The following CALN1 variants were observed in gnomAD, a reference collection of about 807,000 sequenced individuals.
CALN1 encodes the protein calneuron 1.
In CALN1, 17 loss-of-function variants were observed where a neutral mutation model predicts 30.6. The observed-to-expected ratio is 0.56, with a 90% CI of 0.38 to 0.83. The LOEUF is 0.83. Ranked by LOEUF, CALN1 falls within the 40% of genes least tolerant of loss-of-function variation. CALN1 has a pLI of 0.00. For missense variants in CALN1, 291 were observed against 354.9 expected, an observed-to-expected ratio of 0.82 and a Z score of 1.45; for synonymous variants, 156 against 131.4, an observed-to-expected ratio of 1.19 and a Z score of -1.28.
At chr7:72,257,520 T>C (rs1016156695) in intron 3 of CALN1, among the ~76,000 whole-genome samples, 1 of 152,316 alleles carries the variant, frequency 6.6e-6, no homozygotes, top group East Asian at 1.9e-4. Context: ...GGTGAGAATG[T>C]AAACTAGTAC....
chr7:72,069,707 CAAATAAGGT>C (rs1804260718), intron 4 of CALN1, among the ~76,000 whole-genome samples: 1 of 152,100 alleles, frequency 6.6e-6, no homozygotes, highest in Admixed American at 6.6e-5. Context: ...ACCTCTTTTC[CAAATAAGGT>C]AACATTTACA....
At chr7:72,185,021 T>A (rs1562704746) in intron 3 of CALN1, among the ~76,000 whole-genome samples, 1 of 152,196 alleles carries the variant, frequency 6.6e-6, no homozygotes, top group East Asian at 1.9e-4. Context: ...TCCAGGCTGG[T>A]CTCAAATTCC....
At chr7:72,126,523 AGTG>A (rs1808776258) in intron 3 of CALN1, among the ~76,000 whole-genome samples, 2 of 152,134 alleles carry the variant, frequency 1.3e-5, no homozygotes, top group South Asian at 2.1e-4. Context: ...CCAAAAGAAA[AGTG>A]GTGATTTCTG....
At chr7:72,299,451 A>C (rs1407878861) in intron 2 of CALN1, among the ~76,000 whole-genome samples, 1 of 28,116 alleles carries the variant, frequency 3.6e-5, no homozygotes, top group African/African-American at 1.1e-4. Context: ...CTCATCTTTC[A>C]TAGTTAAGAG....
chr7:72,418,689 C>A (rs1333299915), intron 1 of CALN1, among the ~76,000 whole-genome samples: 1 of 152,086 alleles, frequency 6.6e-6, no homozygotes, highest in African/African-American at 2.4e-5. Context: ...TTTTGCTCAG[C>A]CCCATCTGGA....
intron 5 of CALN1, among the ~76,000 whole-genome samples, chr7:71,861,737 C>T (rs1584393141): frequency 7.3e-6 from 1 of 137,368 alleles, no homozygotes; most frequent in East Asian, 2.1e-4. Context: ...CCAGGTCACA[C>T]CACTGCACTC....
At chr7:72,027,843 G>A (rs1320829155) in intron 4 of CALN1, among the ~76,000 whole-genome samples, 2 of 151,150 alleles carry the variant, frequency 1.3e-5, no homozygotes, top group Admixed American at 6.6e-5. Context: ...GGATCACGAG[G>A]TCAGGAGATC....
intron 2 of CALN1, among the ~76,000 whole-genome samples, chr7:72,309,384 A>G (rs924323326): frequency 2.0e-5 from 3 of 152,186 alleles, no homozygotes; most frequent in Admixed American, 6.5e-5. Context: ...GGGACTCAAA[A>G]GGGTCCCAAG....
chr7:72,221,561 A>G (rs567793632), intron 3 of CALN1, among the ~76,000 whole-genome samples: 4 of 152,170 alleles, frequency 2.6e-5, no homozygotes, highest in African/African-American at 4.8e-5. Context: ...AGTTCACTAC[A>G]TAACTACTTA....
At chr7:72,169,491 T>TATTA (rs57397650) in intron 3 of CALN1, among the ~76,000 whole-genome samples, 3 of 97,440 alleles carry the variant, frequency 3.1e-5, no homozygotes, top group African/African-American at 9.8e-5. Context: ...AGCTGATTAT[T>TATTA]TTTTTTTTTT....
chr7:71,892,703 T>C (rs970213198), intron 5 of CALN1, among the ~76,000 whole-genome samples: 1 of 152,242 alleles, frequency 6.6e-6, no homozygotes, highest in African/African-American at 2.4e-5. Context: ...ATTTCATGTA[T>C]GCTGGGCTTT....
At position 71,787,662 on chromosome 7, in the gene CALN1, T is replaced by C. The variant is rs1793051784; in HGVS notation, c.*113A>G. 2.8e-6 allele frequency: 4 copies of C among 1,449,906 alleles called. No homozygotes were observed. The highest frequency in any genetic ancestry group is 3.7e-6 in the Non-Finnish European group (4 of 1,079,124). 89.8% of individuals were successfully genotyped at this position (1,449,906 alleles called of 1,614,324 possible). A position where few individuals can be genotyped will look rare whatever the true frequency, so the allele number is the denominator to read the frequency against. On this transcript the variant is annotated 3_prime_UTR_variant, in exon 7 of 7. Coordinates refer to ENST00000395275, the MANE Select transcript of CALN1 (RefSeq NM_031468.4). ...GGTTCTTTACTGAACGGTTCCATCGTCCGCATCCATCCATAGTCCATAGGT... is the reference window on the plus strand; with the variant it reads ...GGTTCTTTACTGAACGGTTCCATCGCCCGCATCCATCCATAGTCCATAGGT...
At chr7:72,449,586 C>T (rs61383394), upstream of CALN1, among the ~76,000 whole-genome samples, 5,736 of 152,208 alleles carry the variant, frequency 0.038, 492 homozygotes, top group East Asian at 0.38. Flanking sequence ...AAGAATCTGC[C>T]GTCAGGCTGG....
upstream of CALN1, among the ~76,000 whole-genome samples, chr7:72,413,231 ACT>A (rs1024203528): frequency 1.0e-4 from 15 of 150,702 alleles, no homozygotes; most frequent in East Asian, 1.4e-3. Flanking sequence ...ACACATATAC[ACT>A]CACACACACC....
intron 4 of CALN1, among the ~76,000 whole-genome samples, chr7:72,089,192 CATTTA>C (rs960640968): frequency 2.0e-5 from 3 of 152,012 alleles, no homozygotes; most frequent in African/African-American, 7.2e-5. Context: ...AAAGAGATAA[CATTTA>C]ATTTCTTATC....
chr7:71,855,291 G>A (rs971459938), intron 5 of CALN1, among the ~76,000 whole-genome samples: 7 of 152,170 alleles, frequency 4.6e-5, no homozygotes, highest in African/African-American at 1.7e-4. Context: ...GAGTAGCTCA[G>A]GAGTCCGTGT....
At chr7:71,848,377 T>A (rs578161912) in intron 5 of CALN1, among the ~76,000 whole-genome samples, 1 of 152,306 alleles carries the variant, frequency 6.6e-6, no homozygotes, top group East Asian at 1.9e-4. Context: ...TCTATTGATA[T>A]CCAGAAGACC....
At chr7:72,088,701 G>GAAAAAAAAAAAAAA (rs71069024) in intron 4 of CALN1, among the ~76,000 whole-genome samples, 1 of 72,464 alleles carries the variant, frequency 1.4e-5, no homozygotes, top group African/African-American at 5.1e-5. Flanking sequence ...TCCATCTCAA[G>GAAAAAAAAAAAAAA]AAAAAAAAAA....
chr7:72,501,984 T>C, the CALN1 span, among the ~76,000 whole-genome samples: 8 of 110,230 alleles, frequency 7.3e-5, no homozygotes, highest in South Asian at 5.3e-4. Context: ...TATACACACA[T>C]ATATATATAA....
Sources: allele counts gnomAD v4.1 joint callset (sites outside exome capture counted in the v4.1 genomes callset), GRCh38; gene constraint gnomAD v4.1.1; transcripts MANE v1.5; gene names NCBI Gene and HGNC (gene_info 2026-07-23, HGNC 2026-07-21).